The following PTPRC variants were observed in gnomAD, a reference collection of about 807,000 sequenced individuals.
The protein encoded by PTPRC is protein tyrosine phosphatase receptor type C, also known as receptor-type tyrosine-protein phosphatase C.
In PTPRC, 44 loss-of-function variants were observed where a neutral mutation model predicts 155.9. The observed-to-expected ratio is 0.28, with a 90% CI of 0.22 to 0.36. The LOEUF (loss-of-function observed/expected upper bound fraction) is 0.36. Ranked by LOEUF, PTPRC falls within the 10% of genes least tolerant of loss-of-function variation. The pLI is 1.00. For missense variants in PTPRC, 1,401 were observed against 1,564.6 expected (o/e 0.90, Z 1.76); for synonymous variants, 525 against 533.1 (o/e 0.98, Z 0.21).
chr1:198,701,036 T>C (rs1666431767), intron 5 of PTPRC, among the ~76,000 whole-genome samples: 1 of 152,172 alleles, frequency 6.6e-6, no homozygotes, highest in Admixed American at 6.5e-5. Context: ...GGGCCAGTTC[T>C]ATGTCTGAAT....
At chr1:198,704,016 T>C (rs1311159188) in intron 7 of PTPRC, 1 of 175,808 alleles carries the variant, frequency 5.7e-6, no homozygotes, top group Non-Finnish European at 1.2e-5. Flanking sequence ...GCAAAGAGCT[T>C]ACAAAAGTTA....
chr1:198,673,746 A>G (rs1293650424), intron 2 of PTPRC, among the ~76,000 whole-genome samples: 1 of 152,204 alleles, frequency 6.6e-6, no homozygotes, highest in African/African-American at 2.4e-5. Context: ...ATAATGATTA[A>G]AGAATCATAC....
intron 3 of PTPRC, chr1:198,693,138 A>T: frequency 1.1e-6 from 1 of 943,318 alleles, no homozygotes; most frequent in Non-Finnish European, 1.3e-6. Flanking sequence ...ACTAACGTAC[A>T]TTCAACAGAT....
chr1:198,727,748 T>A lies in PTPRC; in HGVS notation c.1721-592T>A, dbSNP rs962960816. Among the ~76,000 whole-genome samples the A allele has an allele frequency of 5.9e-5, 9 of 152,144 alleles. No individual in the cohort carries two copies. In the East Asian group the frequency reaches 1.7e-3, roughly 29 times the overall value. ...GATATTTCCAACACACCCTCTCTTC[T>A]ATGCCCTTTCCCTAGGAAAGGGCAG... is the stretch of plus-strand genomic sequence containing the variant. On this transcript the variant is annotated intron_variant, in intron 15 of 32. Transcript: ENST00000442510.
At chr1:198,750,460 A>T (rs775698634) in intron 28 of PTPRC, 32 bp from the exon 29 acceptor site, 2 of 1,602,924 alleles carry the variant, frequency 1.2e-6, no homozygotes, top group Non-Finnish European at 1.7e-6. Flanking sequence ...CTTCTGTAGT[A>T]ACGAAGTCCC....
rs537183989 is a variant in PTPRC, at chr1:198,756,933, T to G, written c.*752T>G. 1.3e-5 allele frequency: 2 copies of G among 152,024 alleles called. No individual in the cohort carries two copies. Among genetic ancestry groups the G allele is most frequent in the East Asian group, 3.9e-4 (2 of 5,170 alleles). The allele number at this position is 152,024 out of a possible 1,614,324, so 9.4% of individuals were successfully genotyped here. A position where few individuals can be genotyped will look rare whatever the true frequency, so the allele number is the denominator to read the frequency against. On this transcript the variant is annotated 3_prime_UTR_variant, in exon 33 of 33. Transcript: ENST00000442510. ...TTATTCCCTGTACAATATTTAAAAT[T>G]TATTGCTTGATACTTTTGACAACAA...
intron 30 of PTPRC, 66 bp from the exon 31 acceptor site, chr1:198,752,528 G>A (rs1436248252): frequency 6.5e-7 from 1 of 1,543,098 alleles, no homozygotes. Flanking sequence ...AAGAAAATAT[G>A]ACTATCAAAT....
chr1:198,732,439 A>G, intron 19 of PTPRC, 41 bp from the exon 20 acceptor site: 4 of 1,599,618 alleles, frequency 2.5e-6, no homozygotes, highest in Non-Finnish European at 3.4e-6. Flanking sequence ...CTACTTGATT[A>G]TTCACTATTT....
At chr1:198,694,877 A>G (rs1468537697) in intron 3 of PTPRC, 8 of 967,418 alleles carry the variant, frequency 8.3e-6, no homozygotes. Context: ...TGAAGACTAG[A>G]GGTAGTTACT....
chr1:198,673,802 C>T (rs1476342521), intron 2 of PTPRC, among the ~76,000 whole-genome samples: 3 of 152,110 alleles, frequency 2.0e-5, no homozygotes, highest in African/African-American at 7.2e-5. Context: ...TAGAATAAGC[C>T]TTTTGGTTTC....
chr1:198,697,179 C>A (rs1189819421), intron 4 of PTPRC, among the ~76,000 whole-genome samples: 3 of 152,120 alleles, frequency 2.0e-5, no homozygotes, highest in Non-Finnish European at 4.4e-5. Flanking sequence ...ATCCTCTGAT[C>A]TATACACACT....
intron 2 of PTPRC, among the ~76,000 whole-genome samples, chr1:198,676,886 G>T (rs1399080191): frequency 6.6e-6 from 1 of 152,086 alleles, no homozygotes; most frequent in Non-Finnish European, 1.5e-5. Flanking sequence ...GATTTATGTA[G>T]AAGTCAGAAA....
In PTPRC at chr1:198,661,160, T is replaced by A. The variant is rs76150411; in HGVS notation, c.73+21819T>A. On this transcript the variant is annotated intron_variant, in intron 2 of 32. Coordinates refer to ENST00000442510, the MANE Select transcript of PTPRC (RefSeq NM_002838.5). ...TAACACTGTTAATTGAAACCAATGT[T>A]TCTCATGCCTTTTAGTCTCTGGACT... is the stretch of plus-strand genomic sequence containing the variant. Among the ~76,000 whole-genome samples the A allele has an allele frequency of 7.3e-3, 1,105 of 152,236 alleles. 33 individuals carry two copies. Among genetic ancestry groups the A allele is most frequent in the Admixed American group, 0.058 (880 of 15,276 alleles).
At chr1:198,728,085 A>C (rs1323911951) in intron 15 of PTPRC, among the ~76,000 whole-genome samples, 1 of 152,218 alleles carries the variant, frequency 6.6e-6, no homozygotes, top group African/African-American at 2.4e-5. Flanking sequence ...ACATTATTTA[A>C]TCAAAAGAAA....
chr1:198,684,637 A>T (rs1038391522), intron 2 of PTPRC, among the ~76,000 whole-genome samples: 4 of 151,842 alleles, frequency 2.6e-5, no homozygotes, highest in Non-Finnish European at 5.9e-5. Flanking sequence ...GTGATTTTTA[A>T]ATGTTATCTT....
intron 14 of PTPRC, among the ~76,000 whole-genome samples, chr1:198,719,353 G>A (rs929248498): frequency 2.0e-5 from 3 of 151,820 alleles, no homozygotes; most frequent in Admixed American, 6.6e-5. Flanking sequence ...AGTTTTCTCC[G>A]GAGAAATGCC....
intron 2 of PTPRC, among the ~76,000 whole-genome samples, chr1:198,642,370 G>GTCTGTCTA (rs1553229129): frequency 6.6e-6 from 1 of 150,442 alleles, no homozygotes; most frequent in Non-Finnish European, 1.5e-5. Context: ...CTATCTATCT[G>GTCTGTCTA]TCTATCTATC....
intron 3 of PTPRC, 46 bp downstream of exon 3, chr1:198,692,419 C>T (rs1452181546): frequency 2.3e-6 from 3 of 1,298,132 alleles, no homozygotes; most frequent in Non-Finnish European, 3.1e-6. Flanking sequence ...TTTCTTGTTG[C>T]AAAGTTTATA....
At chr1:198,732,076 C>T (rs1390720598) in intron 18 of PTPRC, among the ~76,000 whole-genome samples, 3 of 151,832 alleles carry the variant, frequency 2.0e-5, no homozygotes, top group African/African-American at 7.3e-5. Context: ...TTTGTCCCCA[C>T]TCAAGAGATT....
Sources: gnomAD v4.1 joint callset for allele counts (sites outside exome capture counted in the v4.1 genomes callset) on GRCh38, gnomAD v4.1.1 for gene constraint, MANE v1.5 for transcripts, NCBI Gene and HGNC (gene_info 2026-07-23, HGNC 2026-07-21) for gene names.